GPR158: variants seen among roughly 807,000 people sequenced by gnomAD.
The protein encoded by GPR158 is G protein-coupled receptor 158, also known as metabotropic glycine receptor.
A neutral mutation model predicts 78.2 loss-of-function variants in GPR158; 30 were observed. The observed-to-expected ratio is 0.38, with a 90% confidence interval of 0.29 to 0.52. GPR158 has a LOEUF of 0.52. GPR158 is among the 20% of genes least tolerant of loss of function. The pLI is 0.83. For missense variants in GPR158, 1,463 were observed against 1,523.5 expected (o/e 0.96, Z 0.66); for synonymous variants, 581 against 591.1 (o/e 0.98, Z 0.25).
chr10:25,210,691 C>T (rs1853117676), intron 1 of GPR158, among the ~76,000 whole-genome samples: 1 of 152,102 alleles, frequency 6.6e-6, no homozygotes, highest in Admixed American at 6.5e-5. Context: ...ATATCCTTTG[C>T]CCACTTCCTA....
At chr10:25,492,137 G>A (rs960522776) in intron 5 of GPR158, among the ~76,000 whole-genome samples, 5 of 144,060 alleles carry the variant, frequency 3.5e-5, no homozygotes, top group African/African-American at 1.3e-4. Context: ...AAGAAAGAGA[G>A]AGCAAGAAGA....
intron 2 of GPR158, among the ~76,000 whole-genome samples, chr10:25,373,975 A>C (rs1329262): frequency 2.6e-5 from 4 of 151,540 alleles, no homozygotes; most frequent in South Asian, 4.2e-4. Flanking sequence ...CTTCATACTT[A>C]ATGATTTTTT....
chr10:25,597,676 G>C, intron 10 of GPR158, 96 bp from the exon 11 acceptor site: 1 of 951,454 alleles, frequency 1.1e-6, no homozygotes. Context: ...CCCCAAATTA[G>C]AGCCCAAGTT....
At chr10:25,425,191 G>A (rs905505070) in intron 4 of GPR158, among the ~76,000 whole-genome samples, 4 of 152,054 alleles carry the variant, frequency 2.6e-5, no homozygotes, top group East Asian at 3.9e-4. Context: ...GTCTGTTATT[G>A]GTGTATAGGA....
intron 5 of GPR158, among the ~76,000 whole-genome samples, chr10:25,503,355 A>G (rs1323005485): frequency 7.6e-6 from 1 of 131,410 alleles, no homozygotes. Context: ...CCTATCTGGG[A>G]CAAAAAAATA....
chr10:25,293,491 G>A (rs1397584783), intron 2 of GPR158, among the ~76,000 whole-genome samples: 1 of 152,142 alleles, frequency 6.6e-6, no homozygotes, highest in Non-Finnish European at 1.5e-5. Flanking sequence ...CTCAAAAAGG[G>A]TTAGCCATTC....
At chr10:25,460,813 A>G (rs1194797750) in intron 4 of GPR158, among the ~76,000 whole-genome samples, 1 of 152,210 alleles carries the variant, frequency 6.6e-6, no homozygotes, top group Non-Finnish European at 1.5e-5. Context: ...GCAACTCTAC[A>G]TTGAGAAAAT....
intron 2 of GPR158, 43 bp from the exon 3 acceptor site, chr10:25,395,868 A>G (rs756143078): frequency 4.3e-6 from 4 of 939,782 alleles, no homozygotes; most frequent in Non-Finnish European, 7.0e-6. Flanking sequence ...ATACCATGAG[A>G]TAAGCCATGA....
At chr10:25,438,557 G>A (rs1278677663) in intron 4 of GPR158, among the ~76,000 whole-genome samples, 1 of 152,176 alleles carries the variant, frequency 6.6e-6, no homozygotes, top group Non-Finnish European at 1.5e-5. Context: ...ATCCCCAGGA[G>A]GGAGAGATAT....
chr10:25,575,331 G>T (rs1000270196), intron 7 of GPR158, among the ~76,000 whole-genome samples: 5 of 152,038 alleles, frequency 3.3e-5, no homozygotes, highest in East Asian at 3.9e-4. Flanking sequence ...GATGTATTTT[G>T]GTTTTTTTGT....
At chr10:25,268,962 A>C (rs373487064) in intron 2 of GPR158, among the ~76,000 whole-genome samples, 94 of 152,302 alleles carry the variant, frequency 6.2e-4, no homozygotes, top group African/African-American at 1.9e-3. Context: ...CTCTTTTGTC[A>C]ATAACCTCTT....
At chr10:25,406,863 A>T (rs887867868) in intron 3 of GPR158, among the ~76,000 whole-genome samples, 2 of 152,180 alleles carry the variant, frequency 1.3e-5, no homozygotes, top group Non-Finnish European at 2.9e-5. Flanking sequence ...CATAAAGATC[A>T]TTAAGATCAA....
chr10:25,265,244 G>C (rs548677204), intron 2 of GPR158, among the ~76,000 whole-genome samples: 4 of 152,288 alleles, frequency 2.6e-5, no homozygotes, highest in African/African-American at 9.6e-5. Flanking sequence ...ACAACGGGCT[G>C]TGAACAGAAA....
intron 2 of GPR158, among the ~76,000 whole-genome samples, chr10:25,310,312 G>A (rs920301068): frequency 1.3e-5 from 2 of 152,128 alleles, no homozygotes; most frequent in South Asian, 2.1e-4. Context: ...TTTGCAGTAC[G>A]TTTTTGGATC....
intron 5 of GPR158, among the ~76,000 whole-genome samples, chr10:25,472,200 C>A (rs1442086149): frequency 6.6e-6 from 1 of 152,050 alleles, no homozygotes; most frequent in East Asian, 1.9e-4. Flanking sequence ...GTTTTCCCAG[C>A]ACCATTTATT....
intron 8 of GPR158, among the ~76,000 whole-genome samples, chr10:25,594,050 A>G (rs116793203): frequency 3.2e-4 from 48 of 152,194 alleles, no homozygotes; most frequent in African/African-American, 1.1e-3. Context: ...TAATCTTGGG[A>G]ATTATTATGC....
At chr10:25,200,911 T>C (rs933372056) in intron 1 of GPR158, among the ~76,000 whole-genome samples, 3 of 149,180 alleles carry the variant, frequency 2.0e-5, no homozygotes, top group Non-Finnish European at 3.0e-5. Context: ...TTTTGGTTAC[T>C]GTAGCCAAGT....
At chr10:25,326,996 G>C (rs1855043689) in intron 2 of GPR158, among the ~76,000 whole-genome samples, 1 of 152,064 alleles carries the variant, frequency 6.6e-6, no homozygotes, top group African/African-American at 2.4e-5. Flanking sequence ...TGCCGTGTAA[G>C]CCAAAAATAC....
At chr10:25,532,916 GCTTT>G (rs1836446057) in intron 5 of GPR158, among the ~76,000 whole-genome samples, 1 of 152,104 alleles carries the variant, frequency 6.6e-6, no homozygotes, top group African/African-American at 2.4e-5. Flanking sequence ...CTGTTCTGCA[GCTTT>G]CTTTTTATTT....
Sources: allele counts gnomAD v4.1 joint callset (sites outside exome capture counted in the v4.1 genomes callset), GRCh38; gene constraint gnomAD v4.1.1; transcripts MANE v1.5; gene names NCBI Gene and HGNC (gene_info 2026-07-23, HGNC 2026-07-21).